The following TRIP12 variants were observed in gnomAD, a reference collection of about 807,000 sequenced individuals.
TRIP12 encodes the protein E3 ubiquitin-protein ligase TRIP12.
In TRIP12, 25 loss-of-function variants were observed where a neutral mutation model predicts 244.2. The observed-to-expected ratio is 0.10, with a 90% CI of 0.07 to 0.14. The LOEUF (loss-of-function observed/expected upper bound fraction) is 0.14, where lower values mean the gene tolerates loss of function less well. Among genes scored for constraint, TRIP12 ranks in the 10% least tolerant of loss-of-function variants. The pLI is 1.00. For synonymous variants in TRIP12, 905 were observed against 873.1 expected, an observed-to-expected ratio of 1.04 and a Z score of -0.64; for missense variants, 1,677 against 2,486.4, an observed-to-expected ratio of 0.67 and a Z score of 6.92.
chr2:229,897,833 C>A (rs35311453), intron 1 of TRIP12, among the ~76,000 whole-genome samples: 8,327 of 152,062 alleles, frequency 0.055, 762 homozygotes, highest in African/African-American at 0.19. Context: ...CTCTCTCCCC[C>A]CTATGTTCCC....
In TRIP12 at chr2:229,768,174, C is replaced by T. The variant is rs536661073; in HGVS notation, c.6008-424G>A. ...ACACAGGAGGCTGAAGCAGGAGGAT[C>T]TCGCCTGAGCCCAGGAGGCAGAGGT... On this transcript the variant is annotated intron_variant, in intron 41 of 41. Coordinates refer to ENST00000675903, the MANE Select transcript of TRIP12 (RefSeq NM_001348323.3). 1.4e-4 allele frequency among the ~76,000 whole-genome samples: 22 copies of T among 152,236 alleles called. No individual in the cohort carries two copies. In the South Asian group the frequency reaches 1.7e-3, roughly 11 times the overall value.
Position 229,764,223 on chromosome 2 carries a change from A to T in TRIP12, c.*3331T>A, listed in dbSNP as rs1173286626. 6.6e-6 allele frequency: 1 copy of T among 152,216 alleles called. No homozygotes were observed. Among genetic ancestry groups the T allele is most frequent in the East Asian group, 1.9e-4 (1 of 5,202 alleles). The allele number at this position is 152,216 out of a possible 1,614,324, so 9.4% of individuals were successfully genotyped here. ...TTTTTTTTTTTGAGGTAACAAAGGA[A>T]GCATCTTCAGTGATTTGTCACTAGG... On this transcript the variant is annotated 3_prime_UTR_variant, in exon 42 of 42. Transcript: ENST00000675903.
intron 11 of TRIP12, 60 bp from the exon 12 acceptor site, chr2:229,814,385 T>A: frequency 6.6e-7 from 1 of 1,505,296 alleles, no homozygotes; most frequent in Non-Finnish European, 9.2e-7. Context: ...CAATAACTTA[T>A]CTTCTACATA....
intron 4 of TRIP12, 125 bp downstream of exon 4, chr2:229,858,647 C>A: frequency 1.2e-6 from 1 of 807,212 alleles, no homozygotes. Context: ...ATTACACAGA[C>A]AGTAATACAT....
chr2:229,840,911 C>G lies in TRIP12; in HGVS notation c.1044G>C (p.Thr348=), dbSNP rs779628581. The change falls in exon 5 of 42, where the codon ACG becomes ACC. Residue 348 remains threonine, a synonymous_variant. Coordinates refer to ENST00000675903, the MANE Select transcript of TRIP12 (RefSeq NM_001348323.3). The part of the protein sequence containing the change: ...QAKLASLRKS[T]KKRSESPPAE... ...CAGGTGGAGACTCACTGCGTTTCTT[C>G]GTAGATTTTCTTAAACCTATCCACA... is the stretch of plus-strand genomic sequence containing the variant. 1.9e-6 allele frequency: 3 copies of G among 1,603,776 alleles called. No homozygotes were observed. Among genetic ancestry groups the G allele is most frequent in the Non-Finnish European group, 2.5e-6 (3 of 1,177,262 alleles).
chr2:229,806,969 C>T (rs1031294398), intron 17 of TRIP12, among the ~76,000 whole-genome samples: 1 of 152,174 alleles, frequency 6.6e-6, no homozygotes, highest in African/African-American at 2.4e-5. Flanking sequence ...ACAAATAACA[C>T]AGTGATCAAC....
chr2:229,840,702 A>AAAAAC (rs1383555622), intron 5 of TRIP12, 120 bp downstream of exon 5: 2 of 794,166 alleles, frequency 2.5e-6, no homozygotes, highest in African/African-American at 3.6e-5. Flanking sequence ...GACTCCGTCA[A>AAAAAC]AAAACAAAAC....
intron 20 of TRIP12, 82 bp from the exon 21 acceptor site, chr2:229,802,541 C>T: frequency 2.0e-6 from 2 of 1,014,578 alleles, no homozygotes; most frequent in South Asian, 3.5e-5. Context: ...TCCCTAAATA[C>T]CAACACTGAC....
intron 13 of TRIP12, 82 bp downstream of exon 13, chr2:229,813,788 A>T: frequency 5.8e-6 from 6 of 1,039,370 alleles, no homozygotes; most frequent in Non-Finnish European, 7.4e-6. Flanking sequence ...CCATCTCAAA[A>T]AAATAAAATA....
chr2:229,922,786 T>C (rs2076790728), upstream of TRIP12, among the ~76,000 whole-genome samples: 1 of 152,176 alleles, frequency 6.6e-6, no homozygotes, highest in Admixed American at 6.5e-5. Flanking sequence ...ACGGCCCGCG[T>C]GTCCCTGCTC....
chr2:229,855,177 G>C (rs1331406432), intron 4 of TRIP12, among the ~76,000 whole-genome samples: 1 of 152,134 alleles, frequency 6.6e-6, no homozygotes, highest in Non-Finnish European at 1.5e-5. Context: ...TGAGATAGGA[G>C]AATCACTTGA....
At chr2:229,844,067 C>T (rs1294062019) in intron 4 of TRIP12, among the ~76,000 whole-genome samples, 1 of 152,016 alleles carries the variant, frequency 6.6e-6, no homozygotes, top group African/African-American at 2.4e-5. Context: ...TGTATGTATC[C>T]AGTTGCAAGC....
chr2:229,912,024 T>C (rs1050267613), intron 1 of TRIP12, among the ~76,000 whole-genome samples: 1 of 152,202 alleles, frequency 6.6e-6, no homozygotes, highest in Non-Finnish European at 1.5e-5. Flanking sequence ...GCATTAGGTA[T>C]CAAAAAGTAT....
At position 229,870,750 on chromosome 2, in the gene TRIP12, G is replaced by C. The variant is rs192869488; in HGVS notation, c.98+9232C>G. ...AATCAGTAGATAGGAATTAAGTTTG[G>C]CATTTTATTTATTTATTTTTTTGCG... is the stretch of plus-strand genomic sequence containing the variant. On this transcript the variant is annotated intron_variant, in intron 2 of 41. Coordinates refer to ENST00000675903, the MANE Select transcript of TRIP12 (RefSeq NM_001348323.3). Among the ~76,000 whole-genome samples the C allele has an allele frequency of 2.9e-3, 447 of 152,214 alleles. 2 individuals are homozygous for C. Among genetic ancestry groups the C allele is most frequent in the African/African-American group, 0.01 (427 of 41,514 alleles).
chr2:229,851,196 G>A (rs1318771740), intron 4 of TRIP12, among the ~76,000 whole-genome samples: 4 of 152,126 alleles, frequency 2.6e-5, no homozygotes, highest in South Asian at 2.1e-4. Flanking sequence ...TGGTGGGGAC[G>A]TGGAGAACCT....
intron 1 of TRIP12, among the ~76,000 whole-genome samples, chr2:229,897,221 T>G (rs939606326): frequency 4.5e-4 from 69 of 152,338 alleles, no homozygotes; most frequent in African/African-American, 1.6e-3. Flanking sequence ...CCAGTGACAC[T>G]GCAATTCTCA....
At chr2:229,841,312 TA>T (rs1219821910) in intron 4 of TRIP12, among the ~76,000 whole-genome samples, 3 of 152,228 alleles carry the variant, frequency 2.0e-5, no homozygotes, top group Non-Finnish European at 4.4e-5. Flanking sequence ...ACACTGTTCT[TA>T]TATTGTCCCA....
At chr2:229,874,246 G>A (rs2154349143) in intron 2 of TRIP12, among the ~76,000 whole-genome samples, 1 of 152,120 alleles carries the variant, frequency 6.6e-6, no homozygotes, top group Admixed American at 6.5e-5. Context: ...TTAAACCAAG[G>A]AATTCTTTTT....
At chr2:229,769,525 T>G (rs959402465) in intron 39 of TRIP12, among the ~76,000 whole-genome samples, 200 bp from the exon 40 acceptor site, 3 of 151,860 alleles carry the variant, frequency 2.0e-5, no homozygotes, top group African/African-American at 4.8e-5. Context: ...AGCTGTACGC[T>G]ATTAAGTACC....
Sources: allele counts gnomAD v4.1 joint callset (sites outside exome capture counted in the v4.1 genomes callset), GRCh38; gene constraint gnomAD v4.1.1; transcripts MANE v1.5; gene names NCBI Gene and HGNC (gene_info 2026-07-23, HGNC 2026-07-21).